SLC35F4: variants seen among roughly 807,000 people sequenced by gnomAD.
The protein encoded by SLC35F4 is solute carrier family 35 member F4.
SLC35F4 carries 24 observed loss-of-function variants against 44.2 expected under a neutral mutation model. That is an observed-to-expected ratio of 0.54 (90% CI 0.39 to 0.76). SLC35F4 has a LOEUF of 0.76. Among genes scored for constraint, SLC35F4 ranks in the 30% least tolerant of loss-of-function variants. The pLI is 0.00. For synonymous variants in SLC35F4, 238 were observed against 223.6 expected (o/e 1.06, Z -0.57); for missense variants, 562 against 586.1 (o/e 0.96, Z 0.42).
intron 1 of SLC35F4, among the ~76,000 whole-genome samples, chr14:57,643,558 C>T (rs1355771166): frequency 6.6e-6 from 1 of 151,994 alleles, no homozygotes; most frequent in African/African-American, 2.4e-5. Context: ...CAGTAGGTAG[C>T]CTTTCTAATA....
At chr14:57,785,811 G>A (rs1469792348) in intron 1 of SLC35F4, among the ~76,000 whole-genome samples, 4 of 152,186 alleles carry the variant, frequency 2.6e-5, no homozygotes, top group Non-Finnish European at 5.9e-5. Flanking sequence ...TAGTACCACA[G>A]GGATCCATTG....
intron 1 of SLC35F4, among the ~76,000 whole-genome samples, chr14:57,961,378 G>A (rs897950232): frequency 2.0e-5 from 3 of 152,152 alleles, no homozygotes; most frequent in African/African-American, 7.2e-5. Context: ...CAGCGCCACA[G>A]AGTAAACACG....
chr14:57,821,346 A>G (rs555559388), intron 1 of SLC35F4, among the ~76,000 whole-genome samples: 1 of 152,248 alleles, frequency 6.6e-6, no homozygotes, highest in African/African-American at 2.4e-5. Context: ...CTTTTGGCAA[A>G]TAATGATTAC....
At chr14:57,967,860 C>T (rs1594660372) in intron 1 of SLC35F4, among the ~76,000 whole-genome samples, 3 of 152,258 alleles carry the variant, frequency 2.0e-5, no homozygotes, top group Admixed American at 2.0e-4. Context: ...AAAGAATTAA[C>T]AATTAGGCTT....
chr14:57,625,613 A>G (rs2072434764), intron 1 of SLC35F4, among the ~76,000 whole-genome samples: 1 of 152,172 alleles, frequency 6.6e-6, no homozygotes, highest in Non-Finnish European at 1.5e-5. Flanking sequence ...ATATAGACCA[A>G]TGGAACAGAA....
At chr14:57,857,018 G>C (rs1887170732) in intron 1 of SLC35F4, among the ~76,000 whole-genome samples, 1 of 152,052 alleles carries the variant, frequency 6.6e-6, no homozygotes, top group Non-Finnish European at 1.5e-5. Flanking sequence ...GCTCACGCCT[G>C]TAATCCCAGC....
chr14:57,628,895 A>C (rs1422769604), intron 1 of SLC35F4, among the ~76,000 whole-genome samples: 1 of 152,150 alleles, frequency 6.6e-6, no homozygotes, highest in Non-Finnish European at 1.5e-5. Flanking sequence ...CGTAGAAATC[A>C]TAATTAGGCA....
At chr14:57,943,169 G>T (rs2141074097) in intron 1 of SLC35F4, among the ~76,000 whole-genome samples, 1 of 152,306 alleles carries the variant, frequency 6.6e-6, no homozygotes, top group East Asian at 1.9e-4. Flanking sequence ...TTCCCTTGCA[G>T]GGAGAGTTAC....
At chr14:57,776,204 A>T (rs1240860583) in intron 1 of SLC35F4, among the ~76,000 whole-genome samples, 1 of 152,182 alleles carries the variant, frequency 6.6e-6, no homozygotes, top group African/African-American at 2.4e-5. Flanking sequence ...GGGTGAATGG[A>T]AGCAACTTGG....
chr14:57,925,519 G>A (rs28535976), intron 1 of SLC35F4, among the ~76,000 whole-genome samples: 694 of 64,946 alleles, frequency 0.011, 4 homozygotes, highest in East Asian at 0.05. Context: ...GGGAGGGAGG[G>A]AGGGAGGGAG....
chr14:57,835,592 A>G (rs888284921), intron 1 of SLC35F4, among the ~76,000 whole-genome samples: 1 of 152,222 alleles, frequency 6.6e-6, no homozygotes, highest in African/African-American at 2.4e-5. Flanking sequence ...AAAGGACTCT[A>G]TAACATTTCT....
At chr14:57,727,874 G>A (rs2076243134) in intron 1 of SLC35F4, among the ~76,000 whole-genome samples, 1 of 152,180 alleles carries the variant, frequency 6.6e-6, no homozygotes, top group Admixed American at 6.5e-5. Context: ...TGGATGAAAT[G>A]TTCTGTAAAT....
At chr14:57,865,377 A>G (rs1888064013) in intron 1 of SLC35F4, among the ~76,000 whole-genome samples, 1 of 151,806 alleles carries the variant, frequency 6.6e-6, no homozygotes, top group Admixed American at 6.6e-5. Flanking sequence ...CCGCTAAGTG[A>G]ACAGCCATGT....
chr14:57,898,994 T>G (rs983446692), intron 1 of SLC35F4, among the ~76,000 whole-genome samples: 1 of 152,122 alleles, frequency 6.6e-6, no homozygotes, highest in Non-Finnish European at 1.5e-5. Flanking sequence ...TCTCTACTAC[T>G]CCTAAGCTCT....
chr14:57,623,986 C>T (rs933312824), intron 1 of SLC35F4, among the ~76,000 whole-genome samples: 1 of 152,018 alleles, frequency 6.6e-6, no homozygotes, highest in Non-Finnish European at 1.5e-5. Flanking sequence ...CACAAAAATC[C>T]CTTCAAAAAA....
At chr14:57,856,198 C>T (rs1382809863) in intron 1 of SLC35F4, among the ~76,000 whole-genome samples, 1 of 151,946 alleles carries the variant, frequency 6.6e-6, no homozygotes, top group Admixed American at 6.6e-5. Context: ...GGGGAGCTAG[C>T]ATTAGGAGAA....
chr14:57,692,278 A>G (rs1252246904), intron 1 of SLC35F4, among the ~76,000 whole-genome samples: 5 of 152,168 alleles, frequency 3.3e-5, no homozygotes, highest in African/African-American at 1.2e-4. Context: ...CACTCAGTAA[A>G]GGGCCAACTA....
chr14:57,824,546 C>G (rs1350160901), intron 1 of SLC35F4, among the ~76,000 whole-genome samples: 3 of 152,070 alleles, frequency 2.0e-5, no homozygotes, highest in Admixed American at 2.0e-4. Flanking sequence ...TGGATAAAAA[C>G]AGGCAGTGAA....
chr14:57,804,052 C>T (rs1020229276), intron 1 of SLC35F4, among the ~76,000 whole-genome samples: 10 of 152,000 alleles, frequency 6.6e-5, no homozygotes, highest in Admixed American at 5.2e-4. Flanking sequence ...TCTAGGGATA[C>T]AACTAAAAAG....
Sources: gnomAD v4.1 joint callset for allele counts (sites outside exome capture counted in the v4.1 genomes callset) on GRCh38, gnomAD v4.1.1 for gene constraint, MANE v1.5 for transcripts, NCBI Gene and HGNC (gene_info 2026-07-23, HGNC 2026-07-21) for gene names.